GOLGB1: variants seen among roughly 807,000 people sequenced by gnomAD.
GOLGB1 encodes the protein golgin B1, also known as golgin subfamily B member 1.
Under a neutral mutation model 336.9 loss-of-function variants are expected in GOLGB1, and 174 were observed. The ratio of observed to expected loss-of-function variants is 0.52; its 90% CI spans 0.46 to 0.59. The LOEUF (loss-of-function observed/expected upper bound fraction) is 0.59. Ranked by LOEUF, GOLGB1 falls within the 20% of genes least tolerant of loss-of-function variation. GOLGB1 has a pLI of 0.00. For synonymous variants in GOLGB1, 1,208 were observed against 1,289.2 expected (o/e 0.94, Z 1.35); for missense variants, 3,331 against 3,645.3 (o/e 0.91, Z 2.22).
At chr3:121,730,995 A>G (rs1341584062) in intron 1 of GOLGB1, 22 bp from the exon 2 acceptor site, 10 of 1,605,008 alleles carry the variant, frequency 6.2e-6, no homozygotes, top group East Asian at 2.2e-5. Context: ...GAAGGGGGGA[A>G]AAAACCTAAG....
Position 121,715,104 on chromosome 3 carries a change from T to G in GOLGB1, c.1289-128A>C, listed in dbSNP as rs894337826. ...TCCTTAGTTAAAATTATGATGCCAA[T>G]GACAACATTATTATTAGCTAAATGT... is the stretch of plus-strand genomic sequence containing the variant. On this transcript the variant is annotated intron_variant, in intron 9 of 21. Coordinates refer to ENST00000614479, the MANE Select transcript of GOLGB1 (RefSeq NM_001366282.2). The G allele has an allele frequency of 5.1e-6, 3 of 592,984 alleles. No homozygotes were observed. The African/African-American group carries it at 5.6e-5, about 11-fold the overall frequency. The allele number at this position is 592,984 out of a possible 1,614,324, so 36.7% of individuals were successfully genotyped here.
chr3:121,706,133 A>T (rs923193464), intron 10 of GOLGB1, among the ~76,000 whole-genome samples: 7 of 150,842 alleles, frequency 4.6e-5, no homozygotes, highest in African/African-American at 1.7e-4. Context: ...GCAAGACTCC[A>T]TTTCAAAAAA....
At chr3:121,700,008 G>T in intron 11 of GOLGB1, 123 bp from the exon 12 acceptor site, 1 of 602,248 alleles carries the variant, frequency 1.7e-6, no homozygotes, top group South Asian at 2.3e-5. Flanking sequence ...AAATAGCTTG[G>T]GAGAGGTGAA....
intron 14 of GOLGB1, among the ~76,000 whole-genome samples, chr3:121,684,123 G>A (rs546259301): frequency 2.5e-4 from 18 of 71,624 alleles, no homozygotes; most frequent in South Asian, 1.1e-3. Flanking sequence ...GCGAGACGCC[G>A]TCTCAAAAAA....
chr3:121,741,574 A>G (rs961989561), intron 1 of GOLGB1, among the ~76,000 whole-genome samples: 9 of 152,358 alleles, frequency 5.9e-5, no homozygotes, highest in African/African-American at 1.9e-4. Context: ...GTAGAATTAA[A>G]GCAAATGATA....
rs1204699181 is a variant in GOLGB1, at chr3:121,677,346, A to G, written c.8978T>C (p.Ile2993Thr). 4 of 1,611,042 alleles carry G rather than the reference A, an allele frequency of 2.5e-6. No individual in the cohort carries two copies. In the East Asian group the frequency reaches 8.9e-5, roughly 36 times the overall value. Residue 2993 changes from isoleucine to threonine, a missense_variant, in exon 16 of 22, where the codon ATA becomes ACA. By Grantham distance (89) the Ile-to-Thr change is moderately conservative. Coordinates refer to ENST00000614479, the MANE Select transcript of GOLGB1 (RefSeq NM_001366282.2). ...DQQLSHLQNL[I>T]RELRSSSSQT... ...GGAGGAAGAAGACCTCAATTCCCTT[A>G]TAAGATTCTGCAGATGACTGAGCTG...
At chr3:121,707,225 C>CAAAAAAAAAAAAAAAAAAAAAAA (rs554313106) in intron 10 of GOLGB1, among the ~76,000 whole-genome samples, 3 of 93,660 alleles carry the variant, frequency 3.2e-5, no homozygotes, top group African/African-American at 4.5e-5. Context: ...GACTCCATCT[C>CAAAAAAAAAAAAAAAAAAAAAAA]AAAAAAAAAA....
intron 10 of GOLGB1, among the ~76,000 whole-genome samples, chr3:121,713,373 A>C (rs1406880966): frequency 6.6e-6 from 1 of 152,220 alleles, no homozygotes; most frequent in Non-Finnish European, 1.5e-5. Context: ...CCAGGTGTCC[A>C]TCAATAGGAA....
In GOLGB1 at chr3:121,694,548, C is replaced by G. The variant is rs111753163; in HGVS notation, c.5975G>C (p.Arg1992Pro). The change falls in exon 13 of 22, where the codon CGA becomes CCA. Residue 1992 changes from arginine (R) to proline (P), a missense_variant. Physicochemically the swap from Arg to Pro is moderately radical, Grantham distance 103. Transcript: ENST00000614479. ...KEKTKVESEI[R>P]KEYLEKIQGA... ...TTGTATTTTCTCCAAATATTCCTTT[C>G]GTATTTCTGATTCCACCTTAGTTTT... 1.2e-6 allele frequency: 2 copies of G among 1,612,444 alleles called. No individual in the cohort carries two copies. Among genetic ancestry groups the G allele is most frequent in the African/African-American group, 2.7e-5 (2 of 74,894 alleles).
intron 1 of GOLGB1, among the ~76,000 whole-genome samples, chr3:121,747,303 A>G (rs146856967): frequency 0.015 from 2,149 of 142,804 alleles, 58 homozygotes; most frequent in African/African-American, 0.051. Context: ...ATGTGTATAT[A>G]TGTATATATG....
At position 121,697,249 on chromosome 3, in the gene GOLGB1, C is replaced by T; in HGVS notation, c.3274G>A (p.Glu1092Lys). Reference protein sequence around the residue: ...RKDLEEKLAAEEQFQALVKQM... With the variant: ...RKDLEEKLAAKEQFQALVKQM... ...TTGACCAGAGCCTGGAATTGCTCTTCAGCTGCCAGCTTTTCTTCCAAATCC... is the reference window on the plus strand; with the variant it reads ...TTGACCAGAGCCTGGAATTGCTCTTTAGCTGCCAGCTTTTCTTCCAAATCC... The change falls in exon 13 of 22, where the codon GAA becomes AAA. Residue 1092 changes from glutamate to lysine, a missense_variant. Coordinates refer to ENST00000614479, the MANE Select transcript of GOLGB1 (RefSeq NM_001366282.2). The T allele has an allele frequency of 6.2e-7, 1 of 1,614,124 alleles. No homozygotes were observed. Among genetic ancestry groups the T allele is most frequent in the Non-Finnish European group, 8.5e-7 (1 of 1,179,996 alleles).
intron 10 of GOLGB1, among the ~76,000 whole-genome samples, chr3:121,706,418 C>T (rs1364818449): frequency 1.3e-5 from 2 of 150,544 alleles, no homozygotes; most frequent in Non-Finnish European, 3.0e-5. Context: ...AAGAGAGAAG[C>T]ATGACAGCAG....
rs773450299 is a variant in GOLGB1 at position 121,698,504 on chromosome 3, A to G, written c.2019T>C (p.Gly673=). Residue 673 remains glycine, a synonymous_variant, in exon 13 of 22, where the codon GGT becomes GGC. Coordinates refer to ENST00000614479, the MANE Select transcript of GOLGB1 (RefSeq NM_001366282.2). ...GVELKSTKQD[G]DKSLSAVPDI... is the part of the protein sequence containing the mutation. ...CTGGTACAGCAGAAAGGGATTTATC[A>G]CCATCCTGCTTTGTTGATTTCAATT... The G allele has an allele frequency of 1.9e-6, 3 of 1,612,828 alleles. No homozygotes were observed. In the East Asian group the frequency reaches 6.7e-5, roughly 36 times the overall value.
rs1206757572 is a variant in GOLGB1 at position 121,697,171 on chromosome 3, C to G, written c.3352G>C (p.Ala1118Pro). ...ATTGCTTGGTTTTCACTGATTTCTG[C>G]TTGGAGCAAATCTATTTGGTTTGTT... ...DKTNQIDLLQ[A>P]EISENQAIIQ... Residue 1118 changes from alanine (A) to proline (P), a missense_variant, in exon 13 of 22, where the codon GCA becomes CCA. Physicochemically the swap from Ala to Pro is conservative, Grantham distance 27. Coordinates refer to ENST00000614479, the MANE Select transcript of GOLGB1 (RefSeq NM_001366282.2). 6.2e-7 allele frequency: 1 copy of G among 1,613,922 alleles called. No individual in the cohort carries two copies. The highest frequency in any genetic ancestry group is 2.2e-5 in the East Asian group (1 of 44,878).
chr3:121,671,771 A>C (rs9852845), intron 17 of GOLGB1, among the ~76,000 whole-genome samples: 34,342 of 151,966 alleles, frequency 0.23, 4,177 homozygotes, highest in East Asian at 0.46. Context: ...TGCACCCATT[A>C]ATCAACTTCT....
chr3:121,708,813 A>G, intron 10 of GOLGB1, among the ~76,000 whole-genome samples: 1 of 152,214 alleles, frequency 6.6e-6, no homozygotes, highest in African/African-American at 2.4e-5. Context: ...GCAGGAAAAA[A>G]GAAGAAGGGA....
At position 121,695,992 on chromosome 3, in the gene GOLGB1, A is replaced by C; in HGVS notation, c.4531T>G (p.Leu1511Val). 1 of 1,614,104 alleles carries C rather than the reference A, an allele frequency of 6.2e-7. No homozygotes were observed. Among genetic ancestry groups the C allele is most frequent in the African/African-American group, 1.3e-5 (1 of 75,036 alleles). Residue 1511 changes from leucine (L) to valine (V), a missense_variant, in exon 13 of 22, where the codon TTG becomes GTG. Leu to Val is a conservative substitution (Grantham distance 32). Coordinates refer to ENST00000614479, the MANE Select transcript of GOLGB1 (RefSeq NM_001366282.2). ...TCAATGGTACCTCTGGCCAAAGACA[A>C]TTCCTCTTGGAGACTTTTGTTTTCT... is the stretch of plus-strand genomic sequence containing the variant. ...LKENKSLQEELSLARGTIERL... is the reference protein window; with the variant it reads ...LKENKSLQEEVSLARGTIERL...
At chr3:121,729,426 C>A in intron 3 of GOLGB1, 86 bp from the exon 4 acceptor site, 1 of 1,072,780 alleles carries the variant, frequency 9.3e-7, no homozygotes, top group Non-Finnish European at 1.4e-6. Context: ...ATTATTATTA[C>A]TTTCAGAGAC....
At position 121,696,069 on chromosome 3, in the gene GOLGB1, T is replaced by C. The variant is rs748180198; in HGVS notation, c.4454A>G (p.Gln1485Arg). Reference sequence around the variant, plus strand: ...GGCAGCTTGCAGTTTCCTTTGTATTTGTTGCTTTGCTCTACTTTCTTCTCC... The same window carrying C: ...GGCAGCTTGCAGTTTCCTTTGTATTCGTTGCTTTGCTCTACTTTCTTCTCC... ...EIGEESRAKQ[Q>R]IQRKLQAALI... The change falls in exon 13 of 22, where the codon CAA becomes CGA. Residue 1485 changes from glutamine (Q) to arginine (R), a missense_variant. Coordinates refer to ENST00000614479, the MANE Select transcript of GOLGB1 (RefSeq NM_001366282.2). 4.3e-6 allele frequency: 7 copies of C among 1,613,848 alleles called. No individual in the cohort carries two copies. In the Admixed American group the frequency reaches 5.0e-5, roughly 12 times the overall value.
Sources: allele counts gnomAD v4.1 joint callset (sites outside exome capture counted in the v4.1 genomes callset), GRCh38; gene constraint gnomAD v4.1.1; transcripts MANE v1.5; gene names NCBI Gene and HGNC (gene_info 2026-07-23, HGNC 2026-07-21).